SORCS3: variants seen among roughly 807,000 people sequenced by gnomAD.
SORCS3 encodes sortilin related VPS10 domain containing receptor 3.
SORCS3 carries 57 observed loss-of-function variants against 146.3 expected under a neutral mutation model. That is an observed-to-expected ratio of 0.39 (90% CI 0.31 to 0.49). The LOEUF is 0.49. Ranked by LOEUF, SORCS3 falls within the 20% of genes least tolerant of loss-of-function variation. The pLI is 0.92. For missense variants in SORCS3, 1,341 were observed against 1,575.5 expected (o/e 0.85, Z 2.52); for synonymous variants, 653 against 618.5 (o/e 1.06, Z -0.83).
intron 4 of SORCS3, among the ~76,000 whole-genome samples, chr10:105,002,829 C>T (rs957321707): frequency 1.3e-5 from 2 of 152,184 alleles, no homozygotes; most frequent in African/African-American, 4.8e-5. Flanking sequence ...CTTAGTATTT[C>T]TGCTTTTCTT....
chr10:104,652,517 A>AGT (rs1380058300), intron 1 of SORCS3, among the ~76,000 whole-genome samples: 11 of 152,184 alleles, frequency 7.2e-5, no homozygotes, highest in African/African-American at 2.2e-4. Flanking sequence ...CCTCTCCTTC[A>AGT]TTCCTTAAGG....
chr10:105,147,698 T>C lies in SORCS3; in HGVS notation c.1384T>C (p.Tyr462His), dbSNP rs557633462. The C allele has an allele frequency of 6.2e-7, 1 of 1,613,134 alleles. No homozygotes were observed. Among genetic ancestry groups the C allele is most frequent in the South Asian group, 1.1e-5 (1 of 91,056 alleles). The change falls in exon 9 of 27, where the codon TAC (tyrosine) becomes CAC (histidine). Residue 462 changes from tyrosine to histidine, a missense_variant. Coordinates refer to ENST00000369701, the MANE Select transcript of SORCS3 (RefSeq NM_014978.3). ...GAACCAGAACGACACGTACAACCTC[T>C]ACATCTCAGACACGCGTGGGATTTA... is the stretch of plus-strand genomic sequence containing the variant. ...EWNQNDTYNL[Y>H]ISDTRGIYFT... is the part of the protein sequence containing the mutation.
chr10:105,023,527 T>C (rs2055209928), intron 4 of SORCS3, among the ~76,000 whole-genome samples: 2 of 152,214 alleles, frequency 1.3e-5, no homozygotes, highest in African/African-American at 4.8e-5. Flanking sequence ...GTGATTGTTC[T>C]TGGCAGAGCA....
intron 2 of SORCS3, among the ~76,000 whole-genome samples, chr10:104,861,237 G>T (rs566649334): frequency 6.6e-6 from 1 of 152,242 alleles, no homozygotes; most frequent in South Asian, 2.1e-4. Context: ...GCACACCCTT[G>T]GGAGTCTCTG....
At chr10:104,722,878 T>C (rs1200028461) in intron 1 of SORCS3, among the ~76,000 whole-genome samples, 2 of 151,922 alleles carry the variant, frequency 1.3e-5, no homozygotes, top group African/African-American at 4.9e-5. Flanking sequence ...TTTTCTTCTT[T>C]ATTAGTCTTG....
chr10:105,055,000 C>T (rs572287275), intron 5 of SORCS3, among the ~76,000 whole-genome samples: 3 of 152,252 alleles, frequency 2.0e-5, no homozygotes, highest in Admixed American at 1.3e-4. Flanking sequence ...TGATTAGAAT[C>T]GCAGCCAAGC....
At chr10:104,915,369 C>T (rs2019014461) in intron 2 of SORCS3, among the ~76,000 whole-genome samples, 1 of 152,120 alleles carries the variant, frequency 6.6e-6, no homozygotes, top group Admixed American at 6.5e-5. Flanking sequence ...TTGCTTCAGG[C>T]TCAATGGAGT....
At chr10:104,740,390 A>G (rs2016827570) in intron 1 of SORCS3, among the ~76,000 whole-genome samples, 1 of 152,228 alleles carries the variant, frequency 6.6e-6, no homozygotes, top group Non-Finnish European at 1.5e-5. Context: ...AATACATGTG[A>G]GTCTCTGCTG....
rs190523283 is a variant in SORCS3 at position 104,655,042 on chromosome 10, C to T, written c.627+13088C>T. 5.7e-4 allele frequency among the ~76,000 whole-genome samples: 87 copies of T among 152,246 alleles called. No homozygotes were observed. The East Asian group carries it at 8.9e-3, about 16-fold the overall frequency. On this transcript the variant is annotated intron_variant, in intron 1 of 26. Transcript: ENST00000369701. ...CCAAGGCAGACAGATTACCTGAGGT[C>T]GGGAGTTTGAGACCAGCCTGGCCAA...
At chr10:104,787,495 T>G (rs1040788276) in intron 1 of SORCS3, among the ~76,000 whole-genome samples, 3 of 152,166 alleles carry the variant, frequency 2.0e-5, no homozygotes, top group African/African-American at 7.2e-5. Flanking sequence ...GACTCACATT[T>G]TAGGCAACCT....
intron 20 of SORCS3, among the ~76,000 whole-genome samples, chr10:105,225,658 G>A (rs2056729948): frequency 1.3e-5 from 2 of 151,910 alleles, no homozygotes. Context: ...TGCATCTATA[G>A]ATCAAATTGG....
intron 4 of SORCS3, among the ~76,000 whole-genome samples, chr10:104,982,568 GA>G: frequency 6.6e-6 from 1 of 152,230 alleles, no homozygotes; most frequent in East Asian, 1.9e-4. Context: ...TTCACTTAAA[GA>G]AAAACATTGC....
intron 2 of SORCS3, among the ~76,000 whole-genome samples, chr10:104,858,295 A>G (rs2018356943): frequency 6.6e-6 from 1 of 152,210 alleles, no homozygotes; most frequent in African/African-American, 2.4e-5. Flanking sequence ...ATATCTTTAC[A>G]TAATTGAGAT....
chr10:104,649,886 A>G (rs1474330083), intron 1 of SORCS3, among the ~76,000 whole-genome samples: 1 of 152,206 alleles, frequency 6.6e-6, no homozygotes, highest in Non-Finnish European at 1.5e-5. Flanking sequence ...CATCCATGAT[A>G]CAACTCACAG....
chr10:105,261,476 A>G (rs1357336936), intron 25 of SORCS3, among the ~76,000 whole-genome samples: 1 of 152,172 alleles, frequency 6.6e-6, no homozygotes, highest in Non-Finnish European at 1.5e-5. Flanking sequence ...TCCAGTCCAG[A>G]CTTACAGAGC....
intron 1 of SORCS3, among the ~76,000 whole-genome samples, chr10:104,784,891 GA>G (rs1346862668): frequency 6.6e-6 from 1 of 152,028 alleles, no homozygotes; most frequent in Non-Finnish European, 1.5e-5. Flanking sequence ...TTGACTTGGT[GA>G]AAAAAAATGT....
chr10:105,088,324 G>A (rs1031367732), intron 5 of SORCS3, among the ~76,000 whole-genome samples: 3 of 152,144 alleles, frequency 2.0e-5, no homozygotes, highest in South Asian at 2.1e-4. Context: ...AAAAGGAAAC[G>A]ATAGAATGTC....
chr10:104,951,503 T>C (rs1049670531), intron 3 of SORCS3, among the ~76,000 whole-genome samples: 2 of 151,952 alleles, frequency 1.3e-5, no homozygotes, highest in African/African-American at 4.8e-5. Context: ...AATTTTTATT[T>C]TTTTTGTTTT....
chr10:104,750,441 C>A (rs2016970683), intron 1 of SORCS3, among the ~76,000 whole-genome samples: 1 of 152,124 alleles, frequency 6.6e-6, no homozygotes, highest in Admixed American at 6.5e-5. Context: ...AGTATACTGA[C>A]CAGTGGTTGA....
Sources: allele counts gnomAD v4.1 joint callset (sites outside exome capture counted in the v4.1 genomes callset), GRCh38; gene constraint gnomAD v4.1.1; transcripts MANE v1.5; gene names NCBI Gene and HGNC (gene_info 2026-07-23, HGNC 2026-07-21).